The following CDC42 variants were observed in gnomAD, a reference collection of about 807,000 sequenced individuals.
The protein encoded by CDC42 is cell division control protein 42 homolog.
Under a neutral mutation model 20.8 loss-of-function variants are expected in CDC42, and 1 was observed. The observed-to-expected ratio is 0.05, with a 90% CI of 0.02 to 0.23. CDC42 has a LOEUF of 0.23. CDC42 is among the 10% of genes least tolerant of loss of function. The pLI, the probability that CDC42 is intolerant of heterozygous loss-of-function variation, is 1.00. For synonymous variants in CDC42, 72 were observed against 84.8 expected (o/e 0.85, Z 0.83); for missense variants, 49 against 227.9 (o/e 0.21, Z 5.05).
chr1:22,086,920 C>T lies in CDC42; in HGVS notation c.486+54C>T, dbSNP rs1645666843. On this transcript the variant is annotated intron_variant, in intron 5 of 5. Transcript: ENST00000656825. ...TTTATGGTCGAGTCATTTATTAGAG[C>T]ATTAGGATACAGGAGTTATTTCTAA... is the stretch of plus-strand genomic sequence containing the variant. 2.8e-6 allele frequency: 4 copies of T among 1,418,786 alleles called. No homozygotes were observed. In the African/African-American group the frequency reaches 5.6e-5, roughly 20 times the overall value. 87.9% of individuals were successfully genotyped at this position (1,418,786 alleles called of 1,614,324 possible).
rs1570054037 is a variant in CDC42, at chr1:22,094,152, C to T, written c.*2635C>T. ...GGCTTAGAAGGTGAGTGATATTCTC[C>T]AGGGAGTATGATTTAGAGGCTGGAA... On this transcript the variant is annotated 3_prime_UTR_variant, in exon 6 of 6. Transcript: ENST00000656825. Among the ~76,000 whole-genome samples, 1 of 151,880 alleles carries T rather than the reference C, an allele frequency of 6.6e-6. No homozygotes were observed. Among genetic ancestry groups the T allele is most frequent in the Non-Finnish European group, 1.5e-5 (1 of 67,986 alleles).
chr1:22,090,728 C>T (rs1645707459), intron 5 of CDC42: 1 of 984,988 alleles, frequency 1.0e-6, no homozygotes, highest in Non-Finnish European at 1.2e-6. Flanking sequence ...TTTCCTGCTT[C>T]TGATTTTATT....
At position 22,094,994 on chromosome 1, in the gene CDC42, C is replaced by T. The variant is rs886591074; in HGVS notation, c.*3477C>T. 6.6e-6 allele frequency among the ~76,000 whole-genome samples: 1 copy of T among 152,102 alleles called. No individual in the cohort carries two copies. Among genetic ancestry groups the T allele is most frequent in the Non-Finnish European group, 1.5e-5 (1 of 68,014 alleles). ...AGAAACTCGCAAAACAAGGGCCCTG[C>T]TCAAGAAGGATTGAAACTTAGTCCT... On this transcript the variant is annotated 3_prime_UTR_variant, in exon 6 of 6. Coordinates refer to ENST00000656825, the MANE Select transcript of CDC42 (RefSeq NM_001791.4).
At chr1:22,079,207 C>T (rs190084914) in intron 2 of CDC42, among the ~76,000 whole-genome samples, 106 of 149,782 alleles carry the variant, frequency 7.1e-4, no homozygotes, top group Non-Finnish European at 2.7e-4. Flanking sequence ...AGCGCGATCT[C>T]GGCTTGCTGC....
At chr1:22,066,006 C>A (rs1411638869) in intron 1 of CDC42, among the ~76,000 whole-genome samples, 4 of 152,148 alleles carry the variant, frequency 2.6e-5, no homozygotes, top group Non-Finnish European at 5.9e-5. Context: ...ATAATTGACC[C>A]ACCTTGGCCT....
In CDC42 at chr1:22,094,019, A is replaced by G. The variant is rs1316117047; in HGVS notation, c.*2502A>G. Among the ~76,000 whole-genome samples, 1 of 152,214 alleles carries G rather than the reference A, an allele frequency of 6.6e-6. No homozygotes were observed. The highest frequency in any genetic ancestry group is 2.4e-5 in the African/African-American group (1 of 41,456). On this transcript the variant is annotated 3_prime_UTR_variant, in exon 6 of 6. Transcript: ENST00000656825. Reference sequence around the variant, plus strand: ...AGCTAATGTTTTCTTAAATATTTTCAGATTGATTTCTGCATGTCAGAAGAA... The same window carrying G: ...AGCTAATGTTTTCTTAAATATTTTCGGATTGATTTCTGCATGTCAGAAGAA...
At chr1:22,082,200 A>G (rs752750715) in intron 3 of CDC42, among the ~76,000 whole-genome samples, 2 of 152,216 alleles carry the variant, frequency 1.3e-5, no homozygotes, top group South Asian at 2.1e-4. Context: ...TTTAAAGCCT[A>G]GAGTTTCCTA....
intron 3 of CDC42, among the ~76,000 whole-genome samples, chr1:22,084,864 A>G (rs1050086051): frequency 2.6e-5 from 4 of 152,054 alleles, no homozygotes; most frequent in African/African-American, 7.2e-5. Flanking sequence ...TTGCTTGTGA[A>G]TATGTCATTT....
chr1:22,058,015 G>A (rs1052415244), intron 1 of CDC42, among the ~76,000 whole-genome samples: 5 of 152,100 alleles, frequency 3.3e-5, no homozygotes, highest in African/African-American at 1.2e-4. Context: ...GGCGTGAGCC[G>A]CTGCATTCCG....
intron 5 of CDC42, among the ~76,000 whole-genome samples, chr1:22,088,194 TGGG>T (rs1214150805): frequency 6.6e-6 from 1 of 152,174 alleles, no homozygotes; most frequent in African/African-American, 2.4e-5. Context: ...GTGTGTATAT[TGGG>T]GGAGACAAGG....
chr1:22,070,027 A>G (rs1397532930), intron 1 of CDC42, among the ~76,000 whole-genome samples: 4 of 152,072 alleles, frequency 2.6e-5, no homozygotes, highest in East Asian at 3.9e-4. Flanking sequence ...GCCTCAAGCA[A>G]TCCACCTTCC....
chr1:22,062,946 A>G (rs1302367514), intron 1 of CDC42, among the ~76,000 whole-genome samples: 1 of 151,924 alleles, frequency 6.6e-6, no homozygotes, highest in Non-Finnish European at 1.5e-5. Context: ...TTATTACCCT[A>G]GTTTCTTAGC....
At chr1:22,065,314 T>C (rs919046065) in intron 1 of CDC42, among the ~76,000 whole-genome samples, 3 of 152,222 alleles carry the variant, frequency 2.0e-5, no homozygotes, top group Non-Finnish European at 2.9e-5. Context: ...GCCCTTTCTG[T>C]AATATTTTGA....
intron 3 of CDC42, 89 bp downstream of exon 3, chr1:22,081,883 G>A: frequency 2.5e-6 from 2 of 808,802 alleles, no homozygotes; most frequent in South Asian, 3.0e-5. Flanking sequence ...ACTAGCACAT[G>A]AGCAAAGTAC....
At chr1:22,071,922 G>T (rs1645496402) in intron 1 of CDC42, among the ~76,000 whole-genome samples, 1 of 151,974 alleles carries the variant, frequency 6.6e-6, no homozygotes, top group Admixed American at 6.6e-5. Context: ...CAGCTTAAGG[G>T]CTCAGTCTTG....
intron 2 of CDC42, 52 bp downstream of exon 2, chr1:22,078,635 C>T (rs1161191914): frequency 1.9e-6 from 3 of 1,559,744 alleles, no homozygotes; most frequent in Non-Finnish European, 2.6e-6. Flanking sequence ...ATTTGATATC[C>T]TTTTGAAAAC....
In CDC42 at chr1:22,086,728, A is replaced by G. The variant is rs772882822; in HGVS notation, c.348A>G (p.Gln116=). 2.1e-5 allele frequency: 34 copies of G among 1,613,982 alleles called. 1 individual carries two copies. The highest frequency in any genetic ancestry group is 2.1e-4 in the South Asian group (19 of 91,088). The change falls in exon 5 of 6, where the codon CAA becomes CAG. Residue 116 remains glutamine, a synonymous_variant. Coordinates refer to ENST00000656825, the MANE Select transcript of CDC42 (RefSeq NM_001791.4). ...PKTPFLLVGT[Q]IDLRDDPSTI... Reference sequence around the variant, plus strand: ...CTCCTTTCTTGCTTGTTGGGACTCAAATTGATCTCAGAGATGACCCCTCTA... The same window carrying G: ...CTCCTTTCTTGCTTGTTGGGACTCAGATTGATCTCAGAGATGACCCCTCTA...
At position 22,081,836 on chromosome 1, in the gene CDC42, G is replaced by A. The variant is rs779979617; in HGVS notation, c.178+42G>A. On this transcript the variant is annotated intron_variant, in intron 3 of 5. Transcript: ENST00000656825. The stretch of plus-strand genomic sequence containing the variant: ...TTTTATACTGTTTTGATCTTTAACA[G>A]TTGCTAGTTGTCTGTCTCTTGTGGA... The A allele has an allele frequency of 5.6e-6, 7 of 1,250,126 alleles. No homozygotes were observed. The Admixed American group carries it at 1.1e-4, about 20-fold the overall frequency. The allele number at this position is 1,250,126 out of a possible 1,614,324, so 77.4% of individuals were successfully genotyped here.
At chr1:22,081,966 C>T (rs974440269) in intron 3 of CDC42, among the ~76,000 whole-genome samples, 172 bp downstream of exon 3, 2 of 152,022 alleles carry the variant, frequency 1.3e-5, no homozygotes, top group Non-Finnish European at 2.9e-5. Flanking sequence ...AGTCCCAGAC[C>T]TGGGTCGGCA....
Sources: allele counts gnomAD v4.1 joint callset (sites outside exome capture counted in the v4.1 genomes callset), GRCh38; gene constraint gnomAD v4.1.1; transcripts MANE v1.5; gene names NCBI Gene and HGNC (gene_info 2026-07-23, HGNC 2026-07-21).